The following HOXB3 variants were observed in gnomAD, a reference collection of about 807,000 sequenced individuals.
HOXB3 encodes the protein homeobox B3.
In HOXB3, 17 loss-of-function variants were observed where a neutral mutation model predicts 29.2. That is an observed-to-expected ratio of 0.58 (90% CI 0.40 to 0.87). HOXB3 has a LOEUF of 0.87. Among genes scored for constraint, HOXB3 ranks in the 40% least tolerant of loss-of-function variants. HOXB3 has a pLI of 0.00. For missense variants in HOXB3, 637 were observed against 616.3 expected, an observed-to-expected ratio of 1.03 and a Z score of -0.35; for synonymous variants, 317 against 285.9, an observed-to-expected ratio of 1.11 and a Z score of -1.10.
intron 1 of HOXB3, among the ~76,000 whole-genome samples, chr17:48,588,390 T>G (rs373983534): frequency 9.5e-4 from 144 of 152,294 alleles, no homozygotes; most frequent in African/African-American, 3.2e-3. Context: ...CCTACAGAAC[T>G]GACATGAGAG....
At position 48,554,925 on chromosome 17, in the gene HOXB3, C is replaced by T; in HGVS notation, c.-159+606G>A. The T allele has an allele frequency of 3.0e-6, 2 of 677,320 alleles. No homozygotes were observed. Among genetic ancestry groups the T allele is most frequent in the Non-Finnish European group, 5.4e-6 (2 of 371,754 alleles). The allele number at this position is 677,320 out of a possible 1,614,324, so 42.0% of individuals were successfully genotyped here. On this transcript the variant is annotated intron_variant, in intron 3 of 4. Transcript: ENST00000498678. The surrounding 1 kb of genome is among the most constrained non-coding windows in gnomAD (Gnocchi z 4.1). ...CAGAACAAGAGGGGGTGGGGAACAA[C>T]TCTACCAAGCCAAACAGATCTATTT...
intron 2 of HOXB3, among the ~76,000 whole-genome samples, chr17:48,567,639 C>A (rs993206645): frequency 6.6e-6 from 1 of 152,182 alleles, no homozygotes; most frequent in African/African-American, 2.4e-5. Flanking sequence ...ATCTGCACCC[C>A]GTTTGCTCCC....
At position 48,561,183 on chromosome 17, in the gene HOXB3, A is replaced by AACACACACACACACACACACACACACAC. The variant is rs530713063; in HGVS notation, c.-246-5593_-246-5566dup. ...CAACAAGAGCGAAACTCCGTCTCAAAACACACACACACACACACACACACA... is the reference window on the plus strand; with the variant it reads ...CAACAAGAGCGAAACTCCGTCTCAAAACACACACACACACACACACACACACACACACACACACACACACACACACACA... On this transcript the variant is annotated intron_variant, in intron 2 of 4. Coordinates refer to ENST00000498678, the MANE Select transcript of HOXB3 (RefSeq NM_001384749.1). 4.0e-4 allele frequency among the ~76,000 whole-genome samples: 50 copies of AACACACACACACACACACACACACACAC among 125,486 alleles called. 3 individuals are homozygous for AACACACACACACACACACACACACACAC. The highest frequency in any genetic ancestry group is 1.6e-3 in the East Asian group (6 of 3,780). 82.3% of individuals were successfully genotyped at this position (125,486 alleles called of 152,430 possible).
chr17:48,578,746 G>A (rs182053382), intron 1 of HOXB3: 129 of 202,356 alleles, frequency 6.4e-4, no homozygotes, highest in African/African-American at 2.9e-3. Context: ...TAGCCCTCCT[G>A]TTCTGCCTCA....
intron 1 of HOXB3, among the ~76,000 whole-genome samples, chr17:48,585,857 C>T (rs942664272): frequency 7.9e-5 from 12 of 152,208 alleles, no homozygotes; most frequent in African/African-American, 2.7e-4. Context: ...TCCACTTCTC[C>T]CCTAGGTGTG....
Position 48,554,114 on chromosome 17 carries a change from G to T in HOXB3, c.-159+1417C>A, listed in dbSNP as rs951954236. On this transcript the variant is annotated intron_variant, in intron 3 of 4. Coordinates refer to ENST00000498678, the MANE Select transcript of HOXB3 (RefSeq NM_001384749.1). This position sits in a 1 kb window ranked among gnomAD's most constrained non-coding sequence, Gnocchi z 4.1. The stretch of plus-strand genomic sequence containing the variant: ...GCAGGTCCTTCCAGGGAGAACCAGA[G>T]TTCAATTGACCAGGCTGACCCAATC... Among the ~76,000 whole-genome samples, 1 of 152,222 alleles carries T rather than the reference G, an allele frequency of 6.6e-6. No homozygotes were observed. Among genetic ancestry groups the T allele is most frequent in the Non-Finnish European group, 1.5e-5 (1 of 68,050 alleles).
At chr17:48,564,256 G>C (rs1474662487) in intron 2 of HOXB3, among the ~76,000 whole-genome samples, 1 of 151,640 alleles carries the variant, frequency 6.6e-6, no homozygotes, top group Non-Finnish European at 1.5e-5. Flanking sequence ...GCGGGCGGCC[G>C]GGCGCTGGGT....
chr17:48,570,017 C>G lies in HOXB3; in HGVS notation c.-247+3820G>C, dbSNP rs954865044. On this transcript the variant is annotated intron_variant, in intron 2 of 4. Coordinates refer to ENST00000498678, the MANE Select transcript of HOXB3 (RefSeq NM_001384749.1). The stretch of plus-strand genomic sequence containing the variant: ...ACCTATGTCACACCCTGTCTCATTT[C>G]CCCCCCTTCCCAAACCCACCAGTGA... 4.4e-4 allele frequency among the ~76,000 whole-genome samples: 67 copies of G among 152,140 alleles called. 1 individual carries two copies. The highest frequency in any genetic ancestry group is 1.6e-3 in the African/African-American group (67 of 41,412).
chr17:48,573,303 A>G (rs1368718232), intron 2 of HOXB3, among the ~76,000 whole-genome samples: 1 of 152,178 alleles, frequency 6.6e-6, no homozygotes, highest in Non-Finnish European at 1.5e-5. Flanking sequence ...AAAAAAGAAC[A>G]TATCCACTTA....
Position 48,552,553 on chromosome 17 carries a change from G to GGTCCGGCGT in HOXB3, c.-80_-79insACGCCGGAC. On this transcript the variant is annotated 5_prime_UTR_variant, in exon 4 of 5. Coordinates refer to ENST00000498678, the MANE Select transcript of HOXB3 (RefSeq NM_001384749.1). The stretch of plus-strand genomic sequence containing the variant: ...AGGACCGGACATTGGCAACCCTGGG[G>GGTCCGGCGT]GTCACGTGACACGCCGGACCCCCCC... 1.7e-6 allele frequency: 2 copies of GGTCCGGCGT among 1,182,476 alleles called. No homozygotes were observed. The highest frequency in any genetic ancestry group is 2.3e-6 in the Non-Finnish European group (2 of 851,582). The allele number at this position is 1,182,476 out of a possible 1,614,324, so 73.2% of individuals were successfully genotyped here. A position where few individuals can be genotyped will look rare whatever the true frequency, so the allele number is the denominator to read the frequency against.
At position 48,569,960 on chromosome 17, in the gene HOXB3, A is replaced by G. The variant is rs1489588682; in HGVS notation, c.-247+3877T>C. Among the ~76,000 whole-genome samples the G allele has an allele frequency of 2.6e-5, 4 of 152,228 alleles. No individual in the cohort carries two copies. In the East Asian group the frequency reaches 5.8e-4, roughly 22 times the overall value. ...GACAAAGACTGGGACTAAGGTTTCT[A>G]CACAAAAGAATCGGACTGTCAGCCT... On this transcript the variant is annotated intron_variant, in intron 2 of 4. Coordinates refer to ENST00000498678, the MANE Select transcript of HOXB3 (RefSeq NM_001384749.1).
chr17:48,567,980 T>C (rs4646992), intron 2 of HOXB3, among the ~76,000 whole-genome samples: 129,501 of 152,104 alleles, frequency 0.85, 55,549 homozygotes, highest in Non-Finnish European at 0.9. Flanking sequence ...TTTCCACCTT[T>C]GACCACCCCC....
Position 48,552,599 on chromosome 17 carries a change from C to T in HOXB3, c.-125G>A. On this transcript the variant is annotated 5_prime_UTR_variant, in exon 4 of 5. Coordinates refer to ENST00000498678, the MANE Select transcript of HOXB3 (RefSeq NM_001384749.1). ...CCCCCCCCCCACCTCCCCTCTCTGC[C>T]CCCCTCCTCCGGGGTCTGTTCCAAG... The T allele has an allele frequency of 1.4e-6, 1 of 694,918 alleles. No homozygotes were observed. 43.0% of individuals were successfully genotyped at this position (694,918 alleles called of 1,614,324 possible).
intron 4 of HOXB3, among the ~76,000 whole-genome samples, chr17:48,551,769 T>C (rs1455537673): frequency 1.3e-5 from 2 of 152,236 alleles, no homozygotes; most frequent in African/African-American, 4.8e-5. Flanking sequence ...CTTGGCTCTG[T>C]GGCCTTGGGA....
rs2068778005 is a variant in HOXB3 at position 48,552,159 on chromosome 17, C to G, written c.316G>C (p.Gly106Arg). 6.2e-7 allele frequency: 1 copy of G among 1,613,906 alleles called. No homozygotes were observed. The highest frequency in any genetic ancestry group is 1.3e-5 in the African/African-American group (1 of 74,934). The change falls in exon 4 of 5, where the codon GGG becomes CGG. Residue 106 changes from glycine (G) to arginine (R), a missense_variant. Gly to Arg is a moderately radical substitution (Grantham distance 125). Transcript: ENST00000498678. ...GGACCACTTTTGCTGGGCCCGCCCC[C>G]ATTACTGCTGTTGCTAGTGGCACTG... ...PTSATSNSSN[G>R]GGPSKSGPPK...
At chr17:48,571,309 C>A (rs1181986831) in intron 2 of HOXB3, among the ~76,000 whole-genome samples, 1 of 152,248 alleles carries the variant, frequency 6.6e-6, no homozygotes, top group African/African-American at 2.4e-5. Context: ...ACCCCCTCCC[C>A]AGCTGCCGCT....
At chr17:48,572,020 G>T (rs996831623) in intron 2 of HOXB3, among the ~76,000 whole-genome samples, 34 of 151,982 alleles carry the variant, frequency 2.2e-4, no homozygotes, top group African/African-American at 8.2e-4. Context: ...CTTTCTCTTT[G>T]TCTCTGTCTC....
chr17:48,589,744 G>A (rs2070114073), intron 1 of HOXB3, among the ~76,000 whole-genome samples: 1 of 152,238 alleles, frequency 6.6e-6, no homozygotes, highest in East Asian at 1.9e-4. Context: ...GTTTCTTTCC[G>A]GAGGATGGGG....
intron 2 of HOXB3, among the ~76,000 whole-genome samples, chr17:48,566,092 T>TAGG (rs1351763699): frequency 1.3e-5 from 2 of 152,138 alleles, no homozygotes; most frequent in Non-Finnish European, 2.9e-5. Context: ...GCAGCTTTCT[T>TAGG]AGAGCTCTGT....
Sources: allele counts gnomAD v4.1 joint callset (sites outside exome capture counted in the v4.1 genomes callset), GRCh38; gene constraint gnomAD v4.1.1; non-coding constraint Gnocchi (gnomAD v3.1); transcripts MANE v1.5; gene names NCBI Gene and HGNC (gene_info 2026-07-23, HGNC 2026-07-21).